ZCWPW2: variants seen among roughly 807,000 people sequenced by gnomAD.
The protein encoded by ZCWPW2 is zinc finger CW-type PWWP domain protein 2.
ZCWPW2 carries 45 observed loss-of-function variants against 46.6 expected under a neutral mutation model. The observed-to-expected ratio is 0.96, with a 90% CI of 0.76 to 1.24. The LOEUF is 1.24. Ranked by LOEUF, ZCWPW2 falls within the 50% of genes most tolerant of loss-of-function variation. The pLI is 0.00. For synonymous variants in ZCWPW2, 152 were observed against 137.1 expected, an observed-to-expected ratio of 1.11 and a Z score of -0.76; for missense variants, 429 against 403.9, an observed-to-expected ratio of 1.06 and a Z score of -0.53.
chr3:28,455,321 T>A (rs1698384743), intron 4 of ZCWPW2, among the ~76,000 whole-genome samples: 1 of 152,238 alleles, frequency 6.6e-6, no homozygotes, highest in Admixed American at 6.5e-5. Flanking sequence ...GGCCCACTTT[T>A]AAATGGGGCT....
intron 1 of ZCWPW2, among the ~76,000 whole-genome samples, chr3:28,381,209 T>A (rs983239811): frequency 4.0e-5 from 6 of 151,034 alleles, no homozygotes; most frequent in African/African-American, 1.5e-4. Flanking sequence ...AGTTCCAAAC[T>A]ATGCAGGAAT....
intron 2 of ZCWPW2, 78 bp from the exon 3 acceptor site, chr3:28,412,978 T>C (rs766981132): frequency 1.1e-5 from 13 of 1,155,204 alleles, no homozygotes; most frequent in Non-Finnish European, 1.3e-5. Flanking sequence ...GAGGAATTTC[T>C]CTGATTTTTG....
chr3:28,484,665 C>T (rs952709839), intron 5 of ZCWPW2, among the ~76,000 whole-genome samples: 2 of 151,678 alleles, frequency 1.3e-5, no homozygotes, highest in African/African-American at 4.8e-5. Context: ...TGCCTGCCTG[C>T]CTCTCTCCCT....
At chr3:28,447,924 G>A in intron 4 of ZCWPW2, 1 of 788,992 alleles carries the variant, frequency 1.3e-6, no homozygotes, top group Non-Finnish European at 2.2e-6. Context: ...TTATGAGATT[G>A]TCCAAAACAA....
intron 2 of ZCWPW2, among the ~76,000 whole-genome samples, chr3:28,412,052 G>A (rs908172020): frequency 6.6e-6 from 1 of 151,958 alleles, no homozygotes; most frequent in African/African-American, 2.4e-5. Flanking sequence ...TGTGACAAAT[G>A]TAAGTAAGTG....
At chr3:28,401,093 G>A (rs910842028) in intron 2 of ZCWPW2, among the ~76,000 whole-genome samples, 2 of 151,824 alleles carry the variant, frequency 1.3e-5, no homozygotes, top group Admixed American at 1.3e-4. Context: ...GCAGGAGAAT[G>A]GCGTGAACCC....
At chr3:28,392,621 C>T (rs181822166) in intron 2 of ZCWPW2, among the ~76,000 whole-genome samples, 32 of 152,048 alleles carry the variant, frequency 2.1e-4, no homozygotes, top group Admixed American at 2.0e-3. Context: ...TAATTTCTGA[C>T]CACAATGGTA....
At chr3:28,353,287 A>C (rs749462529) in intron 1 of ZCWPW2, among the ~76,000 whole-genome samples, 8 of 152,236 alleles carry the variant, frequency 5.3e-5, no homozygotes, top group Admixed American at 5.2e-4. Context: ...ACAGTATTAG[A>C]ATTTATGTTC....
chr3:28,466,425 A>G (rs528121367), intron 4 of ZCWPW2, among the ~76,000 whole-genome samples: 1 of 152,332 alleles, frequency 6.6e-6, no homozygotes, highest in South Asian at 2.1e-4. Flanking sequence ...CAAAACATAA[A>G]TAATACACTG....
At chr3:28,478,578 C>T (rs1699313886) in intron 4 of ZCWPW2, among the ~76,000 whole-genome samples, 1 of 152,058 alleles carries the variant, frequency 6.6e-6, no homozygotes, top group African/African-American at 2.4e-5. Context: ...AGATGAATAA[C>T]ATTATCATGA....
intron 1 of ZCWPW2, among the ~76,000 whole-genome samples, chr3:28,368,857 T>C (rs1442357435): frequency 6.6e-6 from 1 of 152,198 alleles, no homozygotes; most frequent in Non-Finnish European, 1.5e-5. Flanking sequence ...TTTGTTCATT[T>C]CTTTTTATTC....
At chr3:28,364,427 G>T (rs1438086091) in intron 1 of ZCWPW2, among the ~76,000 whole-genome samples, 1 of 151,866 alleles carries the variant, frequency 6.6e-6, no homozygotes, top group Non-Finnish European at 1.5e-5. Context: ...ACATACGTGT[G>T]TAAGTGCCTT....
intron 8 of ZCWPW2, among the ~76,000 whole-genome samples, chr3:28,516,656 G>A (rs1459658371): frequency 6.6e-6 from 1 of 152,104 alleles, no homozygotes. Context: ...CACTCCCAGG[G>A]GATCCTATGG....
intron 1 of ZCWPW2, among the ~76,000 whole-genome samples, chr3:28,366,848 A>T (rs2125697947): frequency 6.6e-6 from 1 of 152,280 alleles, no homozygotes; most frequent in East Asian, 1.9e-4. Flanking sequence ...TCAGGGATTC[A>T]ACTTCTTCCT....
chr3:28,496,855 G>C (rs1700003923), intron 6 of ZCWPW2, among the ~76,000 whole-genome samples: 1 of 151,514 alleles, frequency 6.6e-6, no homozygotes, highest in Admixed American at 6.6e-5. Flanking sequence ...AACAGGCATA[G>C]GGATGTTGAC....
rs1326841277 is a variant in ZCWPW2 at position 28,524,557 on chromosome 3, G to T, written c.940G>T (p.Gly314Cys). The T allele has an allele frequency of 6.2e-7, 1 of 1,605,848 alleles. No individual in the cohort carries two copies. The change falls in exon 10 of 10, where the codon GGC becomes TGC. Residue 314 changes from glycine to cysteine, a missense_variant. Transcript: ENST00000383768. ...LSKCSPEAPA[G>C]SLFENHYEED... is the part of the protein sequence containing the mutation. ...TAAATGCAGCCCAGAAGCTCCTGCA[G>T]GCAGTCTGTTTGAAAACCACTATGA...
At chr3:28,425,788 G>C (rs1696982880) in intron 3 of ZCWPW2, among the ~76,000 whole-genome samples, 1 of 152,080 alleles carries the variant, frequency 6.6e-6, no homozygotes, top group Non-Finnish European at 1.5e-5. Flanking sequence ...CTACATTCTG[G>C]CACAGCATAT....
intron 1 of ZCWPW2, among the ~76,000 whole-genome samples, chr3:28,359,586 G>A (rs191632574): frequency 2.0e-5 from 3 of 152,172 alleles, no homozygotes; most frequent in Admixed American, 2.0e-4. Context: ...TCCTGACTTT[G>A]TAAATATAAA....
At chr3:28,520,161 C>A (rs569582854) in intron 8 of ZCWPW2, among the ~76,000 whole-genome samples, 2 of 151,924 alleles carry the variant, frequency 1.3e-5, no homozygotes, top group Admixed American at 1.3e-4. Flanking sequence ...CCCACCACCA[C>A]GCCAGGCTAA....
Sources: gnomAD v4.1 joint callset for allele counts (sites outside exome capture counted in the v4.1 genomes callset) on GRCh38, gnomAD v4.1.1 for gene constraint, MANE v1.5 for transcripts, NCBI Gene and HGNC (gene_info 2026-07-23, HGNC 2026-07-21) for gene names.